Variants in HMGA1 observed in about 807,000 individuals in gnomAD.
The protein encoded by HMGA1 is high mobility group AT-hook 1.
A neutral mutation model predicts 15.1 loss-of-function variants in HMGA1; 1 was observed. The ratio of observed to expected loss-of-function variants is 0.07; its 90% CI spans 0.02 to 0.31. The LOEUF is 0.31. Among genes scored for constraint, HMGA1 ranks in the 10% least tolerant of loss-of-function variants. HMGA1 has a pLI of 1.00. For synonymous variants in HMGA1, 56 were observed against 54.8 expected, an observed-to-expected ratio of 1.02 and a Z score of -0.10; for missense variants, 94 against 141.4, an observed-to-expected ratio of 0.66 and a Z score of 1.70.
intron 3 of HMGA1, among the ~76,000 whole-genome samples, chr6:34,241,199 C>T (rs760096327): frequency 8.1e-4 from 124 of 152,186 alleles, no homozygotes; most frequent in Non-Finnish European, 1.5e-3. Flanking sequence ...GTCACATGGC[C>T]AGTGCTTAAA....
intron 5 of HMGA1, 86 bp downstream of exon 5, chr6:34,243,604 C>A: frequency 9.0e-7 from 1 of 1,106,150 alleles, no homozygotes; most frequent in Non-Finnish European, 1.4e-6. Flanking sequence ...GCTATGCACC[C>A]CCTATGGAAA....
rs372041536 is a variant in HMGA1, at chr6:34,245,442, T to G, written c.*558T>G. On this transcript the variant is annotated 3_prime_UTR_variant, in exon 6 of 6. Transcript: ENST00000311487. ...AGGATTCCCCCAGCCAAACTGTCTT[T>G]GTCACCACGTGGGGCTCACTTTTCA... 1.1e-4 allele frequency: 150 copies of G among 1,371,508 alleles called. No homozygotes were observed. The African/African-American group carries it at 2.0e-3, about 18-fold the overall frequency. 85.0% of individuals were successfully genotyped at this position (1,371,508 alleles called of 1,614,324 possible).
Position 34,236,955 on chromosome 6 carries a change from C to A in HMGA1, c.-167C>A, listed in dbSNP as rs1186007605. On this transcript the variant is annotated 5_prime_UTR_variant, in exon 1 of 6. Transcript: ENST00000311487. The stretch of plus-strand genomic sequence containing the variant: ...GCTATTTCTGGCGCTGGCGCGGCTC[C>A]AAGAAGGCGTGAGTTCGCGGCCGCT... 1.3e-5 allele frequency: 2 copies of A among 152,530 alleles called. No individual in the cohort carries two copies. The highest frequency in any genetic ancestry group is 2.9e-5 in the Non-Finnish European group (2 of 68,074). The allele number at this position is 152,530 out of a possible 1,614,324, so 9.4% of individuals were successfully genotyped here. A position where few individuals can be genotyped will look rare whatever the true frequency, so the allele number is the denominator to read the frequency against.
At chr6:34,239,574 GT>G (rs1762128158) in intron 2 of HMGA1, among the ~76,000 whole-genome samples, 1 of 152,202 alleles carries the variant, frequency 6.6e-6, no homozygotes, top group Non-Finnish European at 1.5e-5. Flanking sequence ...ATTGAGAGGG[GT>G]TCAGAAGTGG....
At chr6:34,240,571 G>A (rs1762219853) in intron 2 of HMGA1, 166 bp from the exon 3 acceptor site, 2 of 604,778 alleles carry the variant, frequency 3.3e-6, no homozygotes, top group South Asian at 1.9e-5. Flanking sequence ...CCCCGCCCTT[G>A]GCAGCATCTG....
chr6:34,241,769 G>A (rs959063818), intron 3 of HMGA1, among the ~76,000 whole-genome samples: 13 of 152,170 alleles, frequency 8.5e-5, no homozygotes, highest in East Asian at 5.8e-4. Context: ...AGTTGAGTTC[G>A]ACCTCTGCCC....
intron 2 of HMGA1, among the ~76,000 whole-genome samples, chr6:34,238,127 G>A (rs1375554344): frequency 6.6e-6 from 1 of 152,210 alleles, no homozygotes; most frequent in Admixed American, 6.5e-5. Context: ...GCGCGCGCCA[G>A]GTTTCCTGCC....
chr6:34,241,751 G>A (rs1324482353), intron 3 of HMGA1, among the ~76,000 whole-genome samples: 1 of 152,240 alleles, frequency 6.6e-6, no homozygotes, highest in Non-Finnish European at 1.5e-5. Flanking sequence ...TGGGAGAGAG[G>A]TAAGAGGAGT....
chr6:34,243,562 G>C lies in HMGA1; in HGVS notation c.270+44G>C, dbSNP rs1235600196. 2.1e-6 allele frequency: 3 copies of C among 1,441,260 alleles called. No individual in the cohort carries two copies. The African/African-American group carries it at 5.6e-5, about 27-fold the overall frequency. The allele number at this position is 1,441,260 out of a possible 1,614,324, so 89.3% of individuals were successfully genotyped here. On this transcript the variant is annotated intron_variant, in intron 5 of 5. Transcript: ENST00000311487. Reference sequence around the variant, plus strand: ...TGCTGCTTGCCTCCTGGGCTCTTTTGAGTTGAGGGTGTTGAGTACACAGTA... The same window carrying C: ...TGCTGCTTGCCTCCTGGGCTCTTTTCAGTTGAGGGTGTTGAGTACACAGTA...
rs766317647 is a variant in HMGA1 at position 34,245,237 on chromosome 6, G to A, written c.*353G>A. ...TTGGTGGTGGGGACATTGCTCTCTG[G>A]GCTTTTGGTTTGGGGGCGCCCTCTC... is the stretch of plus-strand genomic sequence containing the variant. On this transcript the variant is annotated 3_prime_UTR_variant, in exon 6 of 6. Transcript: ENST00000311487. 121 of 1,385,726 alleles carry A rather than the reference G, an allele frequency of 8.7e-5. No homozygotes were observed. Among genetic ancestry groups the A allele is most frequent in the Non-Finnish European group, 1.1e-4 (113 of 1,049,786 alleles). The allele number at this position is 1,385,726 out of a possible 1,614,324, so 85.8% of individuals were successfully genotyped here.
chr6:34,240,575 G>GCAT (rs1762220473), intron 2 of HMGA1, 162 bp from the exon 3 acceptor site: 1 of 612,440 alleles, frequency 1.6e-6, no homozygotes, highest in Non-Finnish European at 2.9e-6. Context: ...GCCCTTGGCA[G>GCAT]CATCTGGGGG....
intron 2 of HMGA1, 173 bp from the exon 3 acceptor site, chr6:34,240,554 GGCCCTTCCCC>G (rs1477315036): frequency 3.5e-6 from 2 of 564,336 alleles, no homozygotes; most frequent in East Asian, 6.2e-5. Flanking sequence ...TAGGGCCAAC[GGCCCTTCCCC>G]GCCCTTGGCA....
chr6:34,244,767 A>G (rs933443867), intron 5 of HMGA1, 64 bp from the exon 6 acceptor site: 5 of 1,404,420 alleles, frequency 3.6e-6, no homozygotes, highest in South Asian at 2.5e-5. Context: ...GGGTGGGGCC[A>G]GCCTCTGGGG....
chr6:34,240,786 T>C lies in HMGA1; in HGVS notation c.6T>C (p.Ser2=). The part of the protein sequence containing the change: M[S]ESSSKSSQPL... ...TGCTCCTTAGAGAAGGGAAGATGAGTGAGTCGAGCTCGAAGTCCAGCCAGC... is the reference window on the plus strand; with the variant it reads ...TGCTCCTTAGAGAAGGGAAGATGAGCGAGTCGAGCTCGAAGTCCAGCCAGC... Residue 2 remains serine, a synonymous_variant, in exon 3 of 6, where the codon AGT becomes AGC. Transcript: ENST00000311487. 1 of 1,612,458 alleles carries C rather than the reference T, an allele frequency of 6.2e-7. No individual in the cohort carries two copies. Among genetic ancestry groups the C allele is most frequent in the Non-Finnish European group, 8.5e-7 (1 of 1,179,880 alleles).
chr6:34,237,488 G>GCGGGCGGCGGGGC (rs1761871531), intron 2 of HMGA1, among the ~76,000 whole-genome samples, 171 bp downstream of exon 2: 1 of 144,356 alleles, frequency 6.9e-6, no homozygotes, highest in South Asian at 2.1e-4. Context: ...CGGCGCGGGG[G>GCGGGCGGCGGGGC]CGGGCGGCGG....
chr6:34,239,231 T>G (rs997720205), intron 2 of HMGA1, among the ~76,000 whole-genome samples: 1 of 152,024 alleles, frequency 6.6e-6, no homozygotes, highest in African/African-American at 2.4e-5. Context: ...TGCAAAAATG[T>G]TTTTTTCCTC....
intron 2 of HMGA1, among the ~76,000 whole-genome samples, chr6:34,240,006 G>A (rs1440760567): frequency 1.3e-5 from 2 of 152,072 alleles, no homozygotes; most frequent in East Asian, 3.9e-4. Context: ...GAGGGGTAAG[G>A]GGAAAGAGGA....
chr6:34,244,916 A>G lies in HMGA1; in HGVS notation c.*32A>G. 6.4e-7 allele frequency: 1 copy of G among 1,550,830 alleles called. No homozygotes were observed. Among genetic ancestry groups the G allele is most frequent in the South Asian group, 1.2e-5 (1 of 84,094 alleles). Reference sequence around the variant, plus strand: ...CGTGCCGCCTGCTCCTCACTGGAGGAGCAGCTTCCTTCTGGGACTGGACAG... The same window carrying G: ...CGTGCCGCCTGCTCCTCACTGGAGGGGCAGCTTCCTTCTGGGACTGGACAG... On this transcript the variant is annotated 3_prime_UTR_variant, in exon 6 of 6. Coordinates refer to ENST00000311487, the MANE Select transcript of HMGA1 (RefSeq NM_145899.3).
intron 5 of HMGA1, 89 bp from the exon 6 acceptor site, chr6:34,244,742 G>C (rs1762591688): frequency 1.9e-6 from 2 of 1,054,766 alleles, no homozygotes; most frequent in South Asian, 2.7e-5. Context: ...AGGAGAGCCA[G>C]GGAGTGCAGG....
Sources: allele counts gnomAD v4.1 joint callset (sites outside exome capture counted in the v4.1 genomes callset), GRCh38; gene constraint gnomAD v4.1.1; transcripts MANE v1.5; gene names NCBI Gene and HGNC (gene_info 2026-07-23, HGNC 2026-07-21).